LMOD3: variants seen among roughly 807,000 people sequenced by gnomAD.
LMOD3 encodes leiomodin-3.
LMOD3 carries 31 observed loss-of-function variants against 41.8 expected under a neutral mutation model. The observed-to-expected ratio is 0.74, with a 90% CI of 0.56 to 1.00. The LOEUF (loss-of-function observed/expected upper bound fraction) is 1.00. Among genes scored for constraint, LMOD3 ranks in the 50% least tolerant of loss-of-function variants. The pLI, the probability that LMOD3 is intolerant of heterozygous loss-of-function variation, is 0.00. For synonymous variants in LMOD3, 292 were observed against 241.9 expected, an observed-to-expected ratio of 1.21 and a Z score of -1.92; for missense variants, 755 against 679.5, an observed-to-expected ratio of 1.11 and a Z score of -1.23.
rs866437805 is a variant in LMOD3, at chr3:69,119,322, A to T, written c.1033T>A (p.Phe345Ile). ...QFNETLTELR[F>I]HNQRHMLGHH... ...CCCAACATGTGCCTCTGATTGTGAA[A>T]CCGAAGCTCAGTTAGCGTCTCATTA... The change falls in exon 2 of 3, where the codon TTT (phenylalanine) becomes ATT (isoleucine). Residue 345 changes from phenylalanine (F) to isoleucine (I), a missense_variant. Phe to Ile is a conservative substitution (Grantham distance 21). Transcript: ENST00000420581. 1 of 1,613,758 alleles carries T rather than the reference A, an allele frequency of 6.2e-7. No homozygotes were observed. The highest frequency in any genetic ancestry group is 1.3e-5 in the African/African-American group (1 of 74,972).
At chr3:69,113,826 C>G (rs2092359872) in intron 2 of LMOD3, among the ~76,000 whole-genome samples, 1 of 152,136 alleles carries the variant, frequency 6.6e-6, no homozygotes, top group African/African-American at 2.4e-5. Flanking sequence ...TAGGAGTGAG[C>G]AGACCACAAG....
intron 2 of LMOD3, among the ~76,000 whole-genome samples, chr3:69,111,104 TAAC>T (rs1297976537): frequency 1.3e-5 from 2 of 152,090 alleles, no homozygotes; most frequent in Non-Finnish European, 2.9e-5. Context: ...GGCATTTGTA[TAAC>T]AATGACTAGG....
rs2092413454 is a variant in LMOD3, at chr3:69,122,433, A to T, written c.-47T>A. The T allele has an allele frequency of 1.5e-6, 2 of 1,372,282 alleles. No individual in the cohort carries two copies. Among genetic ancestry groups the T allele is most frequent in the East Asian group, 2.5e-5 (1 of 39,824 alleles). The allele number at this position is 1,372,282 out of a possible 1,614,324, so 85.0% of individuals were successfully genotyped here. A position where few individuals can be genotyped will look rare whatever the true frequency, so the allele number is the denominator to read the frequency against. ...TACTAGAAAAGAAGAATAATCAAAG[A>T]TGATTTTTAAAAAGAAGGAAAAAAG... On this transcript the variant is annotated 5_prime_UTR_variant, in exon 1 of 3. Transcript: ENST00000420581.
chr3:69,119,964 T>A lies in LMOD3; in HGVS notation c.391A>T (p.Lys131Ter), dbSNP rs1157308921. The change falls in exon 2 of 3, where the codon AAA (lysine) becomes TAA (stop). Residue 131 changes from lysine to a stop codon, truncating the protein, a stop_gained. Transcript: ENST00000420581. LOFTEE classifies it high-confidence loss of function. Reference protein sequence around the residue: ...EKLNNEIVANKRESKGSSNIQ... With the variant: ...EKLNNEIVAN ...TTGCTGCTGCCCTTTGATTCTCTTTTATTTGCAACTATTTCATTATTGAGC... is the reference window on the plus strand; with the variant it reads ...TTGCTGCTGCCCTTTGATTCTCTTTAATTTGCAACTATTTCATTATTGAGC... 1 of 1,586,010 alleles carries A rather than the reference T, an allele frequency of 6.3e-7. No individual in the cohort carries two copies. Among genetic ancestry groups the A allele is most frequent in the Admixed American group, 1.8e-5 (1 of 54,734 alleles).
chr3:69,110,143 A>G (rs1361325662), intron 2 of LMOD3, among the ~76,000 whole-genome samples: 1 of 152,150 alleles, frequency 6.6e-6, no homozygotes, highest in Non-Finnish European at 1.5e-5. Context: ...CTGGCTACTC[A>G]GGAGATTGAG....
chr3:69,119,718 T>C lies in LMOD3; in HGVS notation c.637A>G (p.Ile213Val). Residue 213 changes from isoleucine (I) to valine (V), a missense_variant, in exon 2 of 3, where the codon ATA (isoleucine) becomes GTA (valine). Transcript: ENST00000420581. ...AACTTCTTAGGATCTAATTTCGATA[T>C]TTTTTTCTCACTTTGTTCTTGGGCC... ...PEAQEQSEKK[I>V]SKLDPKKLAL... 2 of 1,613,922 alleles carry C rather than the reference T, an allele frequency of 1.2e-6. No individual in the cohort carries two copies. Among genetic ancestry groups the C allele is most frequent in the South Asian group, 2.2e-5 (2 of 91,070 alleles).
chr3:69,117,134 C>T (rs1445566962), intron 2 of LMOD3, among the ~76,000 whole-genome samples: 1 of 152,156 alleles, frequency 6.6e-6, no homozygotes, highest in Non-Finnish European at 1.5e-5. Flanking sequence ...ATGTTGTGCC[C>T]AAGGGCAGGC....
chr3:69,106,627 C>T lies in LMOD3; in HGVS notation c.*2468G>A, dbSNP rs994055418. On this transcript the variant is annotated 3_prime_UTR_variant, in exon 3 of 3. Coordinates refer to ENST00000420581, the MANE Select transcript of LMOD3 (RefSeq NM_198271.5). ...CTAAGATAAAAACCCTCTTACTGTG[C>T]ATTTTGAAATTCCTGACTTTAATAA... Among the ~76,000 whole-genome samples, 9 of 151,476 alleles carry T rather than the reference C, an allele frequency of 5.9e-5. No individual in the cohort carries two copies. The highest frequency in any genetic ancestry group is 1.7e-4 in the African/African-American group (7 of 41,266).
chr3:69,109,205 G>T, intron 2 of LMOD3, 84 bp from the exon 3 acceptor site: 2 of 1,262,966 alleles, frequency 1.6e-6, no homozygotes, highest in East Asian at 2.5e-5. Flanking sequence ...AAATTTACAT[G>T]CCTTAAAAGA....
In LMOD3 at chr3:69,108,980, T is replaced by C. The variant is rs2092335732; in HGVS notation, c.*115A>G. ...CAAATACCCTTATCAGATGGTAGCA[T>C]TGTTTCCAGTTCTGCCACGTGGATC... is the stretch of plus-strand genomic sequence containing the variant. On this transcript the variant is annotated 3_prime_UTR_variant, in exon 3 of 3. Transcript: ENST00000420581. 1.1e-6 allele frequency: 1 copy of C among 903,558 alleles called. No individual in the cohort carries two copies. Among genetic ancestry groups the C allele is most frequent in the Non-Finnish European group, 1.7e-6 (1 of 577,892 alleles). 56.0% of individuals were successfully genotyped at this position (903,558 alleles called of 1,614,324 possible). A position where few individuals can be genotyped will look rare whatever the true frequency, so the allele number is the denominator to read the frequency against.
intron 2 of LMOD3, among the ~76,000 whole-genome samples, chr3:69,110,553 T>C (rs1325489637): frequency 3.3e-5 from 5 of 150,352 alleles, no homozygotes; most frequent in African/African-American, 1.2e-4. Context: ...AAAAGAGTTT[T>C]ATAACAAGGC....
chr3:69,109,244 A>G (rs2092337203), intron 2 of LMOD3, 123 bp from the exon 3 acceptor site: 4 of 809,312 alleles, frequency 4.9e-6, no homozygotes, highest in Non-Finnish European at 8.0e-6. Flanking sequence ...TTCTGGCCAA[A>G]GCACCTCCAA....
At chr3:69,115,419 C>T (rs2092367232) in intron 2 of LMOD3, among the ~76,000 whole-genome samples, 1 of 151,572 alleles carries the variant, frequency 6.6e-6, no homozygotes, top group East Asian at 2.0e-4. Context: ...GAGGTTGAGG[C>T]TGCAGTGAGC....
At chr3:69,115,064 C>T (rs988422592) in intron 2 of LMOD3, among the ~76,000 whole-genome samples, 1 of 152,146 alleles carries the variant, frequency 6.6e-6, no homozygotes, top group Non-Finnish European at 1.5e-5. Context: ...AACAGGATCT[C>T]ACTTTGTTTT....
At chr3:69,113,642 AG>A (rs2092359127) in intron 2 of LMOD3, among the ~76,000 whole-genome samples, 2 of 152,272 alleles carry the variant, frequency 1.3e-5, no homozygotes, top group African/African-American at 4.8e-5. Context: ...GGAGCAGTCC[AG>A]ATATACATGA....
Position 69,122,564 on chromosome 3 carries a change from G to C in LMOD3, c.-178C>G, listed in dbSNP as rs2092414073. 2 of 573,764 alleles carry C rather than the reference G, an allele frequency of 3.5e-6. No homozygotes were observed. Among genetic ancestry groups the C allele is most frequent in the African/African-American group, 3.8e-5 (2 of 53,264 alleles). 35.5% of individuals were successfully genotyped at this position (573,764 alleles called of 1,614,324 possible). A position where few individuals can be genotyped will look rare whatever the true frequency, so the allele number is the denominator to read the frequency against. On this transcript the variant is annotated 5_prime_UTR_variant, in exon 1 of 3. In the 5' UTR this introduces an upstream ATG that the reference lacks. Coordinates refer to ENST00000420581, the MANE Select transcript of LMOD3 (RefSeq NM_198271.5). The stretch of plus-strand genomic sequence containing the variant: ...AGTGGTTTGCTGAGCAGCTAGGAGT[G>C]ATCACAGCTAAGCTCTTGCCGGATC...
At position 69,118,826 on chromosome 3, in the gene LMOD3, T is replaced by C. The variant is rs538402410; in HGVS notation, c.1529A>G (p.Asn510Ser). ...GAGCGTTTTGATGACATCTTTGAGGTTGGTTTTCTCGGGTGGTTCTCTGGC... is the reference window on the plus strand; with the variant it reads ...GAGCGTTTTGATGACATCTTTGAGGCTGGTTTTCTCGGGTGGTTCTCTGGC... ...PEAREPPEKT[N>S]LKDVIKTLKP... Residue 510 changes from asparagine (N) to serine (S), a missense_variant, in exon 2 of 3, where the codon AAC becomes AGC. Asn to Ser is a conservative substitution (Grantham distance 46, BLOSUM62 1). Transcript: ENST00000420581. The C allele has an allele frequency of 1.7e-5, 27 of 1,610,068 alleles. No individual in the cohort carries two copies. Among genetic ancestry groups the C allele is most frequent in the Middle Eastern group, 1.6e-4 (1 of 6,084 alleles).
rs769266405 is a variant in LMOD3, at chr3:69,115,515, CACAA to C, written c.1656+3180_1656+3183del. On this transcript the variant is annotated intron_variant, in intron 2 of 2. Coordinates refer to ENST00000420581, the MANE Select transcript of LMOD3 (RefSeq NM_198271.5). The stretch of plus-strand genomic sequence containing the variant: ...ACACACACACACACACACACACACA[CACAA>C]AACTTTTCTAAGAAAAAAATTTGTT... Among the ~76,000 whole-genome samples, 47 of 151,300 alleles carry C rather than the reference CACAA, an allele frequency of 3.1e-4. 1 individual carries two copies. The Middle Eastern group carries it at 0.014, about 44-fold the overall frequency.
At chr3:69,111,280 C>A (rs1490805106) in intron 2 of LMOD3, among the ~76,000 whole-genome samples, 1 of 152,170 alleles carries the variant, frequency 6.6e-6, no homozygotes, top group African/African-American at 2.4e-5. Context: ...GTGCTGCTGC[C>A]TGCCAGCCTT....
Sources: gnomAD v4.1 joint callset for allele counts (sites outside exome capture counted in the v4.1 genomes callset) on GRCh38, gnomAD v4.1.1 for gene constraint, MANE v1.5 for transcripts, NCBI Gene and HGNC (gene_info 2026-07-23, HGNC 2026-07-21) for gene names.